The following PCSK2 variants were observed in gnomAD, a reference collection of about 807,000 sequenced individuals.
PCSK2 encodes the protein neuroendocrine convertase 2.
Under a neutral mutation model 69.7 loss-of-function variants are expected in PCSK2, and 14 were observed. The observed-to-expected ratio is 0.20, with a 90% CI of 0.13 to 0.31. The LOEUF (loss-of-function observed/expected upper bound fraction) is 0.31, where lower values mean the gene tolerates loss of function less well. Among genes scored for constraint, PCSK2 ranks in the 10% least tolerant of loss-of-function variants. The pLI is 1.00. For missense variants in PCSK2, 544 were observed against 842.5 expected (o/e 0.65, Z 4.39); for synonymous variants, 307 against 320.7 (o/e 0.96, Z 0.46).
intron 7 of PCSK2, among the ~76,000 whole-genome samples, chr20:17,433,834 C>T (rs1444602361): frequency 2.2e-4 from 22 of 98,588 alleles, no homozygotes; most frequent in African/African-American, 8.9e-4. Flanking sequence ...CTTCCCTCCT[C>T]CTCCTCCCCC....
intron 5 of PCSK2, among the ~76,000 whole-genome samples, chr20:17,401,074 G>A (rs535573308): frequency 2.0e-5 from 3 of 152,238 alleles, no homozygotes; most frequent in Admixed American, 2.0e-4. Flanking sequence ...TATTTTGATA[G>A]ATATTGCCAA....
At chr20:17,231,131 T>C (rs1313445886) in intron 1 of PCSK2, among the ~76,000 whole-genome samples, 1 of 152,234 alleles carries the variant, frequency 6.6e-6, no homozygotes, top group Non-Finnish European at 1.5e-5. Flanking sequence ...AAAAAGAACC[T>C]GATATTATCC....
At chr20:17,237,630 C>T (rs1986394422) in intron 1 of PCSK2, among the ~76,000 whole-genome samples, 1 of 152,140 alleles carries the variant, frequency 6.6e-6, no homozygotes, top group Admixed American at 6.5e-5. Flanking sequence ...GTCACCCTAG[C>T]ACAGTGGAAG....
intron 5 of PCSK2, among the ~76,000 whole-genome samples, chr20:17,390,680 G>A (rs1047942857): frequency 3.3e-5 from 5 of 152,178 alleles, no homozygotes; most frequent in Admixed American, 2.0e-4. Context: ...TCTTAGAAAT[G>A]CATCACTCTT....
intron 2 of PCSK2, among the ~76,000 whole-genome samples, chr20:17,269,178 A>T (rs1171839102): frequency 6.6e-6 from 1 of 152,142 alleles, no homozygotes; most frequent in Non-Finnish European, 1.5e-5. Flanking sequence ...AGGATCTAGG[A>T]GAGAGGTCAG....
intron 2 of PCSK2, among the ~76,000 whole-genome samples, chr20:17,265,791 G>A (rs577627952): frequency 1.3e-5 from 2 of 152,252 alleles, no homozygotes; most frequent in South Asian, 4.1e-4. Context: ...TATAGAGCAG[G>A]AAGAGTCTTA....
intron 6 of PCSK2, among the ~76,000 whole-genome samples, chr20:17,413,164 C>A (rs2031917087): frequency 6.6e-6 from 1 of 152,194 alleles, no homozygotes; most frequent in Non-Finnish European, 1.5e-5. Flanking sequence ...ATGACAGAAT[C>A]AAATTCACAC....
chr20:17,257,311 T>C (rs1367914185), intron 1 of PCSK2, among the ~76,000 whole-genome samples: 7 of 152,216 alleles, frequency 4.6e-5, no homozygotes, highest in Admixed American at 4.6e-4. Flanking sequence ...GGAATGCTTT[T>C]ACACTGTTGG....
chr20:17,284,275 G>A (rs1988435128), intron 2 of PCSK2, among the ~76,000 whole-genome samples: 1 of 152,196 alleles, frequency 6.6e-6, no homozygotes, highest in South Asian at 2.1e-4. Flanking sequence ...CACCAGGCTT[G>A]GCCCCGTATA....
chr20:17,440,327 A>G (rs1335302582), intron 8 of PCSK2, among the ~76,000 whole-genome samples: 3 of 152,232 alleles, frequency 2.0e-5, no homozygotes, highest in Admixed American at 2.0e-4. Flanking sequence ...CGTGATCTTG[A>G]GGATCCAAAT....
intron 2 of PCSK2, among the ~76,000 whole-genome samples, chr20:17,263,943 A>G (rs1158587560): frequency 6.6e-6 from 1 of 152,246 alleles, no homozygotes; most frequent in East Asian, 1.9e-4. Context: ...CAAATATTTT[A>G]TGCCCAAAAG....
chr20:17,309,149 C>T (rs745943017), intron 2 of PCSK2, among the ~76,000 whole-genome samples: 3 of 152,126 alleles, frequency 2.0e-5, no homozygotes, highest in Admixed American at 6.6e-5. Context: ...GAGGGCTTGG[C>T]AATCTGTACT....
Position 17,410,471 on chromosome 20 carries a change from A to G in PCSK2, c.620+1132A>G, listed in dbSNP as rs555142141. Among the ~76,000 whole-genome samples the G allele has an allele frequency of 9.8e-5, 15 of 152,344 alleles. No homozygotes were observed. In the South Asian group the frequency reaches 3.1e-3, roughly 32 times the overall value. Reference sequence around the variant, plus strand: ...GTCTCATCAAGGGTTGACACAGGGTACACAGGTTCTGAGTACAAATGCAGA... The same window carrying G: ...GTCTCATCAAGGGTTGACACAGGGTGCACAGGTTCTGAGTACAAATGCAGA... On this transcript the variant is annotated intron_variant, in intron 6 of 11. Coordinates refer to ENST00000262545, the MANE Select transcript of PCSK2 (RefSeq NM_002594.5).
intron 2 of PCSK2, among the ~76,000 whole-genome samples, chr20:17,279,086 G>T (rs1014699930): frequency 6.6e-6 from 1 of 152,070 alleles, no homozygotes; most frequent in African/African-American, 2.4e-5. Flanking sequence ...ATTATCCCAG[G>T]AATTCCCTGT....
intron 8 of PCSK2, among the ~76,000 whole-genome samples, chr20:17,443,293 TGAGTGACACAATGCGGTTTACA>T (rs2032633576): frequency 6.6e-6 from 1 of 152,210 alleles, no homozygotes; most frequent in Non-Finnish European, 1.5e-5. Context: ...GCCTGACATT[TGAGTGACACAATGCGGTTTACA>T]GAGAATGTCT....
chr20:17,376,277 G>A (rs2030922485), intron 5 of PCSK2, among the ~76,000 whole-genome samples: 1 of 152,220 alleles, frequency 6.6e-6, no homozygotes, highest in African/African-American at 2.4e-5. Context: ...GCTCAGCAGA[G>A]CTGCCTAGCT....
chr20:17,386,335 AC>A lies in PCSK2; in HGVS notation c.543+17061del, dbSNP rs373555071. On this transcript the variant is annotated intron_variant, in intron 5 of 11. Coordinates refer to ENST00000262545, the MANE Select transcript of PCSK2 (RefSeq NM_002594.5). ...TCACAATAGCCAAGAAGTATAAGCA[AC>A]CCAAATATCAATCAATCAATCGATG... Among the ~76,000 whole-genome samples the A allele has an allele frequency of 2.6e-5, 4 of 152,338 alleles. No homozygotes were observed. In the East Asian group the frequency reaches 7.7e-4, roughly 29 times the overall value.
intron 2 of PCSK2, among the ~76,000 whole-genome samples, chr20:17,326,958 TCACTC>T (rs1416680443): frequency 2.0e-5 from 3 of 152,184 alleles, no homozygotes; most frequent in Non-Finnish European, 4.4e-5. Flanking sequence ...CCTTCCAGCC[TCACTC>T]CACTGTGATC....
chr20:17,235,684 G>T (rs2122939907), intron 1 of PCSK2, among the ~76,000 whole-genome samples: 1 of 152,244 alleles, frequency 6.6e-6, no homozygotes, highest in South Asian at 2.1e-4. Flanking sequence ...CACAGTGTCT[G>T]GCAAAACTAA....
Sources: allele counts gnomAD v4.1 joint callset (sites outside exome capture counted in the v4.1 genomes callset), GRCh38; gene constraint gnomAD v4.1.1; transcripts MANE v1.5; gene names NCBI Gene and HGNC (gene_info 2026-07-23, HGNC 2026-07-21).